Variants in TUSC3 observed in about 807,000 individuals in gnomAD.
TUSC3 encodes the protein dolichyl-diphosphooligosaccharide--protein glycosyltransferase subunit TUSC3.
Under a neutral mutation model 44.8 loss-of-function variants are expected in TUSC3, and 45 were observed. The ratio of observed to expected loss-of-function variants is 1.00; its 90% CI spans 0.79 to 1.29. The LOEUF (loss-of-function observed/expected upper bound fraction) is 1.29, where lower values mean the gene tolerates loss of function less well. TUSC3 is among the 50% of genes most tolerant of loss of function. The pLI is 0.00. For synonymous variants in TUSC3, 212 were observed against 152.9 expected, an observed-to-expected ratio of 1.39 and a Z score of -2.85; for missense variants, 519 against 437.9, an observed-to-expected ratio of 1.19 and a Z score of -1.65.
the TUSC3 span, among the ~76,000 whole-genome samples, chr8:15,801,228 A>G: frequency 2.0e-5 from 3 of 152,210 alleles, no homozygotes; most frequent in African/African-American, 7.2e-5. Context: ...TTTAGACCAT[A>G]TACGGTAATT....
chr8:15,705,394 C>G (rs1215549225), intron 6 of TUSC3, among the ~76,000 whole-genome samples: 3 of 151,876 alleles, frequency 2.0e-5, no homozygotes, highest in Non-Finnish European at 4.4e-5. Context: ...TTTATGAAAC[C>G]ATTTGTAGAA....
chr8:15,757,928 A>T (rs750989098), intron 10 of TUSC3, 73 bp downstream of exon 10: 3 of 1,486,354 alleles, frequency 2.0e-6, no homozygotes, highest in East Asian at 4.6e-5. Flanking sequence ...CATTTATCTC[A>T]TAAGACAAGT....
intron 2 of TUSC3, among the ~76,000 whole-genome samples, chr8:15,507,722 G>C (rs1161130595): frequency 6.6e-6 from 1 of 152,000 alleles, no homozygotes; most frequent in Non-Finnish European, 1.5e-5. Flanking sequence ...ATAGGTATTG[G>C]AAATTCAACT....
chr8:15,769,304 C>T (rs1035246719), downstream of TUSC3, among the ~76,000 whole-genome samples: 1 of 152,146 alleles, frequency 6.6e-6, no homozygotes, highest in Non-Finnish European at 1.5e-5. Flanking sequence ...TGATCTTTCA[C>T]AAACTTGACA....
At chr8:15,528,580 A>G (rs1801407956) in intron 2 of TUSC3, among the ~76,000 whole-genome samples, 1 of 152,208 alleles carries the variant, frequency 6.6e-6, no homozygotes, top group South Asian at 2.1e-4. Flanking sequence ...TAACAAGGAT[A>G]GCAAAATTAT....
chr8:15,568,093 T>G (rs1484737140), intron 1 of TUSC3, among the ~76,000 whole-genome samples: 2 of 152,162 alleles, frequency 1.3e-5, no homozygotes, highest in East Asian at 3.9e-4. Context: ...GGAAAGTGAC[T>G]AGAGCCATTC....
chr8:15,795,739 G>A, the TUSC3 span, among the ~76,000 whole-genome samples: 1 of 152,364 alleles, frequency 6.6e-6, no homozygotes, highest in South Asian at 2.1e-4. Flanking sequence ...TTGGGCAAAA[G>A]TCCCGGGGCC....
At chr8:15,706,920 C>T (rs922313383) in intron 6 of TUSC3, among the ~76,000 whole-genome samples, 4 of 151,850 alleles carry the variant, frequency 2.6e-5, no homozygotes, top group Non-Finnish European at 5.9e-5. Flanking sequence ...CATTCAGCCA[C>T]CCAGAGCAAC....
chr8:15,768,882 G>A (rs1812394662), downstream of TUSC3, among the ~76,000 whole-genome samples: 1 of 152,052 alleles, frequency 6.6e-6, no homozygotes, highest in Non-Finnish European at 1.5e-5. Context: ...GGGATGCGAA[G>A]GACCTCTTCA....
intron 2 of TUSC3, among the ~76,000 whole-genome samples, chr8:15,523,664 A>ATATATATATGTGTG (rs1345376349): frequency 4.7e-5 from 2 of 42,510 alleles, no homozygotes; most frequent in African/African-American, 1.7e-4. Flanking sequence ...ATATATATAT[A>ATATATATATGTGTG]TGTGTGTGTG....
intron 6 of TUSC3, among the ~76,000 whole-genome samples, chr8:15,710,451 G>A (rs780732833): frequency 5.3e-5 from 8 of 151,686 alleles, no homozygotes; most frequent in Non-Finnish European, 8.8e-5. Context: ...CCGAACAAGG[G>A]CCTTCATTCT....
intron 1 of TUSC3, among the ~76,000 whole-genome samples, chr8:15,549,895 G>C (rs1342430833): frequency 6.6e-6 from 1 of 151,618 alleles, no homozygotes; most frequent in Non-Finnish European, 1.5e-5. Flanking sequence ...TAGAAGGAAA[G>C]GGCTTCATTC....
intron 2 of TUSC3, among the ~76,000 whole-genome samples, chr8:15,526,664 C>G (rs543633732): frequency 7.2e-4 from 109 of 152,276 alleles, no homozygotes; most frequent in African/African-American, 2.4e-3. Flanking sequence ...TGAGGCCTCT[C>G]CAGTTACGTG....
At chr8:15,748,924 C>T (rs1292005146) in intron 9 of TUSC3, 1 of 361,884 alleles carries the variant, frequency 2.8e-6, no homozygotes, top group African/African-American at 2.1e-5. Context: ...AATTTCTGGT[C>T]ATTATAAATC....
At chr8:15,789,401 C>T in the TUSC3 span, among the ~76,000 whole-genome samples, 2 of 152,124 alleles carry the variant, frequency 1.3e-5, no homozygotes, top group African/African-American at 4.8e-5. Flanking sequence ...AACCCAGCCA[C>T]TTTGGAACAT....
At chr8:15,636,594 C>T (rs992237663) in intron 2 of TUSC3, among the ~76,000 whole-genome samples, 1 of 152,178 alleles carries the variant, frequency 6.6e-6, no homozygotes, top group Non-Finnish European at 1.5e-5. Flanking sequence ...GCAGAATTCT[C>T]AGTCATGGAG....
chr8:15,726,738 G>A (rs563872007), intron 6 of TUSC3, among the ~76,000 whole-genome samples: 46 of 152,236 alleles, frequency 3.0e-4, no homozygotes, highest in African/African-American at 1.1e-3. Context: ...CCCAGGAGGC[G>A]GAGGTTGCAG....
At chr8:15,496,910 ATTC>A (rs1800887657) in intron 2 of TUSC3, among the ~76,000 whole-genome samples, 1 of 89,984 alleles carries the variant, frequency 1.1e-5, no homozygotes, top group Admixed American at 1.0e-4. Flanking sequence ...AGATGAATTT[ATTC>A]ATTCATTGCA....
intron 1 of TUSC3, among the ~76,000 whole-genome samples, chr8:15,574,605 A>C (rs528762840): frequency 6.6e-6 from 1 of 152,252 alleles, no homozygotes; most frequent in African/African-American, 2.4e-5. Flanking sequence ...GTAATTTATA[A>C]GTTGGTAATT....
Sources: allele counts gnomAD v4.1 joint callset (sites outside exome capture counted in the v4.1 genomes callset), GRCh38; gene constraint gnomAD v4.1.1; transcripts MANE v1.5; gene names NCBI Gene and HGNC (gene_info 2026-07-23, HGNC 2026-07-21).